Variants in CRISPLD2 observed in about 807,000 individuals in gnomAD.
CRISPLD2 encodes the protein cysteine-rich secretory protein LCCL domain-containing 2.
A neutral mutation model predicts 71.1 loss-of-function variants in CRISPLD2; 47 were observed. The ratio of observed to expected loss-of-function variants is 0.66; its 90% confidence interval spans 0.52 to 0.84. CRISPLD2 has a LOEUF of 0.84. Ranked by LOEUF, CRISPLD2 falls within the 40% of genes least tolerant of loss-of-function variation. The probability of loss-of-function intolerance (pLI) is 0.00; values close to 1 mark genes in which losing one functional copy is unlikely to be tolerated. For synonymous variants in CRISPLD2, 317 were observed against 250.1 expected (o/e 1.27, Z -2.52); for missense variants, 830 against 651.1 (o/e 1.27, Z -2.99).
chr16:84,833,370 C>G (rs530264104), intron 1 of CRISPLD2, among the ~76,000 whole-genome samples: 2 of 152,280 alleles, frequency 1.3e-5, no homozygotes, highest in Admixed American at 6.5e-5. Context: ...AGTTTTGCAA[C>G]TCTGGCAAAA....
intron 11 of CRISPLD2, among the ~76,000 whole-genome samples, chr16:84,874,507 A>G (rs9934768): frequency 0.061 from 9,333 of 152,212 alleles, 956 homozygotes; most frequent in African/African-American, 0.21. Context: ...CCAGAAGTGA[A>G]GGGATGGATC....
At chr16:84,864,857 C>G (rs2641704) in intron 6 of CRISPLD2, among the ~76,000 whole-genome samples, 1,939 of 152,272 alleles carry the variant, frequency 0.013, 43 homozygotes, top group African/African-American at 0.043. Context: ...TGAGCACATC[C>G]AAGATTAGAA....
chr16:84,885,628 A>G (rs1244720207), intron 13 of CRISPLD2, among the ~76,000 whole-genome samples: 1 of 152,224 alleles, frequency 6.6e-6, no homozygotes, highest in Non-Finnish European at 1.5e-5. Context: ...AAGAAGATGA[A>G]GACATGTTAG....
chr16:84,831,236 T>A (rs538627033), intron 1 of CRISPLD2, among the ~76,000 whole-genome samples: 3 of 152,174 alleles, frequency 2.0e-5, no homozygotes, highest in African/African-American at 7.2e-5. Context: ...CCAAATACAT[T>A]TGCATGGGTG....
chr16:84,826,617 G>A lies in CRISPLD2; in HGVS notation c.-75+6484G>A, dbSNP rs142066070. 1.6e-3 allele frequency among the ~76,000 whole-genome samples: 240 copies of A among 152,010 alleles called. 3 individuals are homozygous for A. The highest frequency in any genetic ancestry group is 5.6e-3 in the African/African-American group (233 of 41,472). Reference sequence around the variant, plus strand: ...CCGTTCGCCCCGGGAGGGAAGACACGGTTTATTCCCCGGGACCTGCGAGGC... The same window carrying A: ...CCGTTCGCCCCGGGAGGGAAGACACAGTTTATTCCCCGGGACCTGCGAGGC... On this transcript the variant is annotated intron_variant, in intron 1 of 14. Coordinates refer to ENST00000262424, the MANE Select transcript of CRISPLD2 (RefSeq NM_031476.4).
chr16:84,855,382 T>C (rs2646125), intron 6 of CRISPLD2, among the ~76,000 whole-genome samples: 106,419 of 152,110 alleles, frequency 0.7, 37,535 homozygotes, highest in Middle Eastern at 0.84. Context: ...AAAGCCAGTC[T>C]GAGTCTGGAG....
At chr16:84,860,880 T>A (rs1917361077) in intron 6 of CRISPLD2, among the ~76,000 whole-genome samples, 1 of 152,232 alleles carries the variant, frequency 6.6e-6, no homozygotes, top group Non-Finnish European at 1.5e-5. Context: ...TCACTCATGA[T>A]AATCTTAGCA....
chr16:84,896,732 AG>A (rs1371210405), intron 14 of CRISPLD2, among the ~76,000 whole-genome samples: 1 of 152,208 alleles, frequency 6.6e-6, no homozygotes, highest in Non-Finnish European at 1.5e-5. Context: ...ACCGTAAGTC[AG>A]GGAGCATCTG....
chr16:84,868,034 C>A (rs1156719380), intron 7 of CRISPLD2, among the ~76,000 whole-genome samples: 3 of 152,208 alleles, frequency 2.0e-5, no homozygotes, highest in Non-Finnish European at 4.4e-5. Flanking sequence ...TTGGCTCTCC[C>A]CGTTTGCCCC....
In CRISPLD2 at chr16:84,873,041, A is replaced by T. The variant is rs548735529; in HGVS notation, c.1031A>T (p.Lys344Met). ...AAIHYGILDD[K>M]GGLVDITRNG... is the part of the protein sequence containing the mutation. ...ATCCACTACGGGATCCTGGATGACA[A>T]GGGAGGCCTGGTGGATATCACCAGG... Residue 344 changes from lysine (K) to methionine (M), a missense_variant, in exon 10 of 15, where the codon AAG becomes ATG. Physicochemically the swap from Lys to Met is moderately conservative, Grantham distance 95 (BLOSUM62 -1). Coordinates refer to ENST00000262424, the MANE Select transcript of CRISPLD2 (RefSeq NM_031476.4). The T allele has an allele frequency of 5.8e-5, 94 of 1,613,790 alleles. No individual in the cohort carries two copies. Among genetic ancestry groups the T allele is most frequent in the Non-Finnish European group, 7.1e-5 (84 of 1,179,948 alleles).
In CRISPLD2 at chr16:84,873,053, T is replaced by G. The variant is rs1309636332; in HGVS notation, c.1043T>G (p.Val348Gly). The G allele has an allele frequency of 6.2e-7, 1 of 1,613,800 alleles. No individual in the cohort carries two copies. Among genetic ancestry groups the G allele is most frequent in the African/African-American group, 1.3e-5 (1 of 74,848 alleles). Residue 348 changes from valine (V) to glycine (G), a missense_variant, in exon 10 of 15, where the codon GTG becomes GGG. Physicochemically the swap from Val to Gly is moderately radical, Grantham distance 109. Coordinates refer to ENST00000262424, the MANE Select transcript of CRISPLD2 (RefSeq NM_031476.4). ...ATCCTGGATGACAAGGGAGGCCTGG[T>G]GGATATCACCAGGAACGGGAAGGTC... ...YGILDDKGGL[V>G]DITRNGKVPF...
intron 1 of CRISPLD2, among the ~76,000 whole-genome samples, chr16:84,833,849 C>A (rs1199018878): frequency 6.6e-6 from 1 of 152,166 alleles, no homozygotes; most frequent in Non-Finnish European, 1.5e-5. Flanking sequence ...AGGCCCGTGC[C>A]CTGACTCCCC....
At chr16:84,880,073 C>G (rs4782678) in intron 12 of CRISPLD2, among the ~76,000 whole-genome samples, 1 of 151,944 alleles carries the variant, frequency 6.6e-6, no homozygotes, top group African/African-American at 2.4e-5. Context: ...TGTGACTCAG[C>G]GAGGTGAGGG....
chr16:84,845,759 T>C, intron 2 of CRISPLD2, 27 bp from the exon 3 acceptor site: 1 of 1,512,856 alleles, frequency 6.6e-7, no homozygotes, highest in Non-Finnish European at 9.2e-7. Flanking sequence ...CCTCACCTCC[T>C]GGTGCCCGTT....
chr16:84,846,143 G>C (rs1040518540), intron 3 of CRISPLD2: 2 of 378,958 alleles, frequency 5.3e-6, no homozygotes, highest in Non-Finnish European at 9.5e-6. Context: ...TTTGTAGTTT[G>C]GGTTTTCCTT....
chr16:84,900,036 C>A (rs28497329), intron 14 of CRISPLD2, among the ~76,000 whole-genome samples: 1 of 152,108 alleles, frequency 6.6e-6, no homozygotes, highest in Non-Finnish European at 1.5e-5. Context: ...GGAATCTGAA[C>A]TTTCCAGAAA....
chr16:84,872,459 G>A lies in CRISPLD2; in HGVS notation c.932G>A (p.Gly311Asp), dbSNP rs747697897. ...STCNRYQCPAGCLNHKAKIFG... is the reference protein window; with the variant it reads ...STCNRYQCPADCLNHKAKIFG... The stretch of plus-strand genomic sequence containing the variant: ...CTCGTCAGGTACCAGTGCCCAGCAG[G>A]CTGCCTGAACCACAAGGCGAAGATC... The change falls in exon 9 of 15, where the codon GGC becomes GAC. Residue 311 changes from glycine to aspartate, a missense_variant. Physicochemically the swap from Gly to Asp is moderately conservative, Grantham distance 94. Coordinates refer to ENST00000262424, the MANE Select transcript of CRISPLD2 (RefSeq NM_031476.4). 36 of 1,613,754 alleles carry A rather than the reference G, an allele frequency of 2.2e-5. No individual in the cohort carries two copies. The highest frequency in any genetic ancestry group is 3.0e-5 in the Non-Finnish European group (35 of 1,179,900).
intron 1 of CRISPLD2, among the ~76,000 whole-genome samples, chr16:84,831,471 A>G (rs1172020230): frequency 6.6e-6 from 1 of 152,052 alleles, no homozygotes; most frequent in African/African-American, 2.4e-5. Flanking sequence ...AGCACGATCT[A>G]CAGTCTGCAT....
chr16:84,844,734 G>T (rs1916865644), intron 2 of CRISPLD2, among the ~76,000 whole-genome samples: 1 of 152,078 alleles, frequency 6.6e-6, no homozygotes, highest in Non-Finnish European at 1.5e-5. Flanking sequence ...TTGCTGTGTT[G>T]CCCTGCGGGT....
Sources: gnomAD v4.1 joint callset for allele counts (sites outside exome capture counted in the v4.1 genomes callset) on GRCh38, gnomAD v4.1.1 for gene constraint, MANE v1.5 for transcripts, NCBI Gene and HGNC (gene_info 2026-07-23, HGNC 2026-07-21) for gene names.